Variants in ATP7B observed in about 807,000 individuals in gnomAD.
ATP7B encodes the protein copper-transporting ATPase 2.
A neutral mutation model predicts 118.9 loss-of-function variants in ATP7B; 113 were observed. The observed-to-expected ratio is 0.95, with a 90% confidence interval of 0.82 to 1.11. ATP7B has a LOEUF of 1.11. Among genes scored for constraint, ATP7B ranks in the 50% most tolerant of loss-of-function variants. The pLI is 0.00. For missense variants in ATP7B, 1,867 were observed against 1,871.4 expected, an observed-to-expected ratio of 1.00 and a Z score of 0.04; for synonymous variants, 777 against 727.4, an observed-to-expected ratio of 1.07 and a Z score of -1.10.
At chr13:51,952,014 G>A (rs78339514) in intron 9 of ATP7B, among the ~76,000 whole-genome samples, 1,695 of 152,318 alleles carry the variant, frequency 0.011, 17 homozygotes, top group Non-Finnish European at 0.019. Context: ...GAGAGAGCAC[G>A]CAGTGAGAAG....
At chr13:51,945,748 G>A (rs1161607558) in intron 13 of ATP7B, among the ~76,000 whole-genome samples, 1 of 152,194 alleles carries the variant, frequency 6.6e-6, no homozygotes, top group Admixed American at 6.5e-5. Flanking sequence ...CCAGTGCAGG[G>A]CTCACACGCA....
intron 1 of ATP7B, among the ~76,000 whole-genome samples, chr13:51,996,406 G>C (rs1247575406): frequency 6.6e-6 from 1 of 152,112 alleles, no homozygotes; most frequent in African/African-American, 2.4e-5. Context: ...CCCACCACTC[G>C]GGGACCAGAA....
rs202171959 is a variant in ATP7B at position 51,974,524 on chromosome 13, T to C, written c.696A>G (p.Pro232=). 2 of 1,614,218 alleles carry C rather than the reference T, an allele frequency of 1.2e-6. No individual in the cohort carries two copies. Among genetic ancestry groups the C allele is most frequent in the East Asian group, 4.5e-5 (2 of 44,880 alleles). ...GGTTAGCAGAAGATAAAGGTCTCTT[T>C]GGGTTAGTGCTTTGTAACCGCTCAA... ...IDIERLQSTN[P]KRPLSSANQN... is the part of the protein sequence containing the mutation. The change falls in exon 2 of 21, where the codon CCA becomes CCG. Residue 232 remains proline, a synonymous_variant. Coordinates refer to ENST00000242839, the MANE Select transcript of ATP7B (RefSeq NM_000053.4).
intron 1 of ATP7B, among the ~76,000 whole-genome samples, chr13:51,984,354 C>T (rs958614181): frequency 6.6e-6 from 1 of 151,760 alleles, no homozygotes; most frequent in African/African-American, 2.4e-5. Context: ...AGCGTGAAGA[C>T]AAGATAGAGA....
chr13:51,939,735 G>A (rs951033126), intron 16 of ATP7B, among the ~76,000 whole-genome samples: 5 of 152,216 alleles, frequency 3.3e-5, no homozygotes, highest in African/African-American at 1.2e-4. Context: ...ATACGAGAGG[G>A]CACGACTCCT....
chr13:51,964,368 CA>C (rs1301364818), intron 5 of ATP7B, among the ~76,000 whole-genome samples: 1 of 152,158 alleles, frequency 6.6e-6, no homozygotes, highest in African/African-American at 2.4e-5. Flanking sequence ...TGTCTGTGGA[CA>C]AACTGGGAAG....
At chr13:51,960,787 T>C (rs564959886) in intron 6 of ATP7B, among the ~76,000 whole-genome samples, 7 of 152,134 alleles carry the variant, frequency 4.6e-5, no homozygotes, top group Non-Finnish European at 8.8e-5. Context: ...TAAAATAGAG[T>C]CCATGAGAAC....
At position 51,944,223 on chromosome 13, in the gene ATP7B, G is replaced by C. The variant is rs770672596; in HGVS notation, c.3129C>G (p.Leu1043=). 5 of 1,614,124 alleles carry C rather than the reference G, an allele frequency of 3.1e-6. No homozygotes were observed. The highest frequency in any genetic ancestry group is 1.7e-5 in the Admixed American group (1 of 60,010). The change falls in exon 14 of 21, where the codon CTC becomes CTG. Residue 1043 remains leucine, a synonymous_variant. Coordinates refer to ENST00000242839, the MANE Select transcript of ATP7B (RefSeq NM_000053.4). ...GCAGTGTGGCCACATCCCCCAGCAGGAGCACCCGCATGACCCTGGGGACGC... is the reference window on the plus strand; with the variant it reads ...GCAGTGTGGCCACATCCCCCAGCAGCAGCACCCGCATGACCCTGGGGACGC... ...THGVPRVMRV[L]LLGDVATLPL...
rs768715615 is a variant in ATP7B, at chr13:51,975,263, C to T, written c.52-95G>A. On this transcript the variant is annotated intron_variant, in intron 1 of 20. Transcript: ENST00000242839. ...GGCACTGAGAAAATGGAAAACAATG[C>T]CACTGGTGTCAAAATATCCCAAGGG... 11 of 1,474,656 alleles carry T rather than the reference C, an allele frequency of 7.5e-6. No homozygotes were observed. The Admixed American group carries it at 1.0e-4, about 13-fold the overall frequency. The allele number at this position is 1,474,656 out of a possible 1,614,324, so 91.3% of individuals were successfully genotyped here.
chr13:51,933,681 T>C lies in ATP7B; in HGVS notation c.*1075A>G, dbSNP rs1593631301. 1 of 152,214 alleles carries C rather than the reference T, an allele frequency of 6.6e-6. No homozygotes were observed. Among genetic ancestry groups the C allele is most frequent in the Admixed American group, 6.5e-5 (1 of 15,278 alleles). 9.4% of individuals were successfully genotyped at this position (152,214 alleles called of 1,614,324 possible). ...AGGGAGGCTGTGTTTTCCTCCTATT[T>C]GGGCAGTACCATTTCCTCCAAGCCA... On this transcript the variant is annotated 3_prime_UTR_variant, in exon 21 of 21. Coordinates refer to ENST00000242839, the MANE Select transcript of ATP7B (RefSeq NM_000053.4).
intron 8 of ATP7B, 48 bp from the exon 9 acceptor site, chr13:51,957,655 G>A (rs1958441667): frequency 3.8e-6 from 6 of 1,561,952 alleles, no homozygotes; most frequent in Non-Finnish European, 5.3e-6. Flanking sequence ...AAGCAGACCT[G>A]TCCAAACCCA....
chr13:51,942,967 A>G (rs1957425604), intron 14 of ATP7B, among the ~76,000 whole-genome samples: 3 of 152,216 alleles, frequency 2.0e-5, no homozygotes, highest in Non-Finnish European at 4.4e-5. Context: ...ATTAAAAACA[A>G]TGGAATAAGT....
chr13:52,003,568 T>C lies in ATP7B; in HGVS notation c.51+7719A>G, dbSNP rs551221737. Reference sequence around the variant, plus strand: ...GTGGCATGAAGTGAGTATATGCTGTTACACAAATGGCGTCAGTAGACTTGC... The same window carrying C: ...GTGGCATGAAGTGAGTATATGCTGTCACACAAATGGCGTCAGTAGACTTGC... On this transcript the variant is annotated intron_variant, in intron 1 of 20. Transcript: ENST00000242839. Among the ~76,000 whole-genome samples, 27 of 152,174 alleles carry C rather than the reference T, an allele frequency of 1.8e-4. No homozygotes were observed. In the South Asian group the frequency reaches 5.6e-3, roughly 32 times the overall value.
chr13:51,988,677 C>T (rs1310723974), intron 1 of ATP7B, among the ~76,000 whole-genome samples: 1 of 152,008 alleles, frequency 6.6e-6, no homozygotes, highest in Non-Finnish European at 1.5e-5. Flanking sequence ...TAATGATAGA[C>T]TGGATAAAGA....
At chr13:51,948,544 G>T (rs1390045883) in intron 12 of ATP7B, among the ~76,000 whole-genome samples, 1 of 152,138 alleles carries the variant, frequency 6.6e-6, no homozygotes, top group Admixed American at 6.5e-5. Flanking sequence ...AGCTTTTTAA[G>T]TACATTATCA....
At chr13:51,992,756 T>A (rs1032628286) in intron 1 of ATP7B, among the ~76,000 whole-genome samples, 2 of 151,912 alleles carry the variant, frequency 1.3e-5, no homozygotes, top group African/African-American at 4.8e-5. Context: ...GGTGAGTGGA[T>A]CACTTGAGCT....
chr13:51,983,040 G>A (rs916179495), intron 1 of ATP7B, among the ~76,000 whole-genome samples: 1 of 152,132 alleles, frequency 6.6e-6, no homozygotes, highest in African/African-American at 2.4e-5. Flanking sequence ...TACCCCAGTG[G>A]TGCCTGGAAT....
intron 9 of ATP7B, among the ~76,000 whole-genome samples, chr13:51,956,756 A>G (rs981108764): frequency 1.3e-5 from 2 of 152,258 alleles, no homozygotes; most frequent in Non-Finnish European, 2.9e-5. Context: ...AATATAAAAA[A>G]GAAGCTAACC....
intron 1 of ATP7B, among the ~76,000 whole-genome samples, chr13:51,999,772 C>CGAACTG (rs1254107475): frequency 6.6e-6 from 1 of 152,160 alleles, no homozygotes; most frequent in Non-Finnish European, 1.5e-5. Context: ...TTCAGCACCA[C>CGAACTG]GAACTGCGGG....
Sources: gnomAD v4.1 joint callset for allele counts (sites outside exome capture counted in the v4.1 genomes callset) on GRCh38, gnomAD v4.1.1 for gene constraint, MANE v1.5 for transcripts, NCBI Gene and HGNC (gene_info 2026-07-23, HGNC 2026-07-21) for gene names.